Variants in GNB4 observed in about 807,000 individuals in gnomAD.
The protein encoded by GNB4 is G protein subunit beta 4, also known as guanine nucleotide-binding protein subunit beta-4.
GNB4 carries 28 observed loss-of-function variants against 45.2 expected under a neutral mutation model. The ratio of observed to expected loss-of-function variants is 0.62; its 90% CI spans 0.46 to 0.85. GNB4 has a LOEUF of 0.85. Among genes scored for constraint, GNB4 ranks in the 40% least tolerant of loss-of-function variants. The pLI, the probability that GNB4 is intolerant of heterozygous loss-of-function variation, is 0.00. For missense variants in GNB4, 321 were observed against 425.4 expected, an observed-to-expected ratio of 0.75 and a Z score of 2.16; for synonymous variants, 132 against 143.7, an observed-to-expected ratio of 0.92 and a Z score of 0.58.
At chr3:179,409,607 C>T (rs1056192918) in intron 8 of GNB4, among the ~76,000 whole-genome samples, 7 of 151,770 alleles carry the variant, frequency 4.6e-5, no homozygotes, top group Non-Finnish European at 7.4e-5. Context: ...GTCAAGAGAT[C>T]GAGACCATCC....
At chr3:179,485,644 A>G in the GNB4 span, among the ~76,000 whole-genome samples, 2 of 152,298 alleles carry the variant, frequency 1.3e-5, no homozygotes, top group East Asian at 3.9e-4. Context: ...CTTGCAATAC[A>G]TAAAACTCAG....
At chr3:179,444,449 A>G (rs981878819) in intron 1 of GNB4, among the ~76,000 whole-genome samples, 27 of 150,734 alleles carry the variant, frequency 1.8e-4, no homozygotes, top group Admixed American at 1.6e-3. Context: ...TAACCTCTCA[A>G]CCGCTTCCCT....
intron 1 of GNB4, among the ~76,000 whole-genome samples, chr3:179,428,449 C>T (rs1287674894): frequency 6.6e-6 from 1 of 152,190 alleles, no homozygotes; most frequent in African/African-American, 2.4e-5. Context: ...CATGCGGGCT[C>T]TTTAAAGCCG....
At chr3:179,464,729 C>A in the GNB4 span, 1 of 1,061,272 alleles carries the variant, frequency 9.4e-7, no homozygotes, top group Non-Finnish European at 1.5e-6. Flanking sequence ...ATGTAGATGG[C>A]CTCCTTGTTC....
the GNB4 span, among the ~76,000 whole-genome samples, chr3:179,483,850 G>A: frequency 3.3e-5 from 5 of 152,032 alleles, no homozygotes; most frequent in Admixed American, 3.3e-4. Context: ...TAGATAGATT[G>A]AGGCTAGAAT....
chr3:179,475,391 T>C, the GNB4 span, among the ~76,000 whole-genome samples: 1 of 152,048 alleles, frequency 6.6e-6, no homozygotes, highest in African/African-American at 2.4e-5. Context: ...AGTGCTGGGA[T>C]TACAGGCGTG....
chr3:179,463,502 G>A, the GNB4 span, among the ~76,000 whole-genome samples: 3 of 152,276 alleles, frequency 2.0e-5, no homozygotes, highest in Non-Finnish European at 2.9e-5. Context: ...AAGTGCTTGT[G>A]TAATCTTCTC....
chr3:179,521,595 C>A, the GNB4 span, among the ~76,000 whole-genome samples: 1 of 152,178 alleles, frequency 6.6e-6, no homozygotes, highest in East Asian at 1.9e-4. Context: ...TTTACGCTGC[C>A]AGTTTACACT....
chr3:179,407,654 A>T (rs974907795), intron 8 of GNB4, among the ~76,000 whole-genome samples: 1 of 152,162 alleles, frequency 6.6e-6, no homozygotes, highest in Non-Finnish European at 1.5e-5. Flanking sequence ...GTTCACAGAG[A>T]GTGTCAGAGA....
chr3:179,419,426 T>C lies in GNB4; in HGVS notation c.176A>G (p.Tyr59Cys). 6.2e-7 allele frequency: 1 copy of C among 1,611,154 alleles called. No individual in the cohort carries two copies. Among genetic ancestry groups the C allele is most frequent in the Non-Finnish European group, 8.5e-7 (1 of 1,177,288 alleles). ...RTLRGHLAKI[Y>C]AMHWGYDSRL... ...GGAATCGTATCCCCAATGCATAGCA[T>C]AGATTTTAGCTAGGTGGCCCCTCAG... Residue 59 changes from tyrosine to cysteine, a missense_variant, in exon 4 of 10, where the codon TAT (tyrosine) becomes TGT (cysteine). Coordinates refer to ENST00000232564, the MANE Select transcript of GNB4 (RefSeq NM_021629.4).
chr3:179,482,354 GTACT>G, the GNB4 span, among the ~76,000 whole-genome samples: 1 of 152,160 alleles, frequency 6.6e-6, no homozygotes, highest in African/African-American at 2.4e-5. Context: ...GGCTCATAAA[GTACT>G]TAGAGTAAAA....
At chr3:179,505,872 C>G in the GNB4 span, among the ~76,000 whole-genome samples, 5 of 152,198 alleles carry the variant, frequency 3.3e-5, no homozygotes, top group Admixed American at 3.3e-4. Context: ...CACAGCTAAC[C>G]TACAGCCAAC....
chr3:179,465,568 A>C, the GNB4 span, among the ~76,000 whole-genome samples: 155 of 152,122 alleles, frequency 1.0e-3, no homozygotes, highest in Admixed American at 3.0e-3. Context: ...TTTTTCCAGA[A>C]ATTTTTTAAG....
At chr3:179,484,682 G>T in the GNB4 span, among the ~76,000 whole-genome samples, 1 of 151,990 alleles carries the variant, frequency 6.6e-6, no homozygotes, top group South Asian at 2.1e-4. Flanking sequence ...GTTGTTTAGG[G>T]TTCCTAAGTG....
intron 2 of GNB4, among the ~76,000 whole-genome samples, chr3:179,422,933 T>C (rs774859889): frequency 3.3e-5 from 5 of 151,916 alleles, no homozygotes; most frequent in Non-Finnish European, 5.9e-5. Flanking sequence ...GCTGGGACTA[T>C]AGGTACCCAC....
intron 1 of GNB4, among the ~76,000 whole-genome samples, chr3:179,430,620 AT>A (rs34316813): frequency 0.24 from 32,668 of 135,658 alleles, 3,744 homozygotes; most frequent in Admixed American, 0.29. Context: ...TGCCTGGCTA[AT>A]TTTTTTTTTT....
chr3:179,419,002 T>C (rs1714897547), intron 4 of GNB4, among the ~76,000 whole-genome samples: 1 of 152,268 alleles, frequency 6.6e-6, no homozygotes, highest in Non-Finnish European at 1.5e-5. Context: ...GTAATTTCCA[T>C]TATTTGCGAA....
rs188419309 is a variant in GNB4 at position 179,432,590 on chromosome 3, T to C, written c.-42-6348A>G. 1.1e-3 allele frequency among the ~76,000 whole-genome samples: 165 copies of C among 152,324 alleles called. 2 individuals are homozygous for C. Among genetic ancestry groups the C allele is most frequent in the African/African-American group, 3.5e-3 (144 of 41,586 alleles). On this transcript the variant is annotated intron_variant, in intron 1 of 9. Transcript: ENST00000232564. ...ATGGCAAGTCCTAGTAAATATGTTT[T>C]GAAGGTAAGGATCCAAAGTGGCCAA...
the GNB4 span, among the ~76,000 whole-genome samples, chr3:179,524,743 T>G: frequency 1.3e-5 from 2 of 152,094 alleles, no homozygotes; most frequent in Non-Finnish European, 2.9e-5. Flanking sequence ...TTTTTATATT[T>G]GATGAAAAAG....
Sources: allele counts gnomAD v4.1 joint callset (sites outside exome capture counted in the v4.1 genomes callset), GRCh38; gene constraint gnomAD v4.1.1; transcripts MANE v1.5; gene names NCBI Gene and HGNC (gene_info 2026-07-23, HGNC 2026-07-21).